Variants in SPATA6L observed in about 807,000 individuals in gnomAD.
SPATA6L encodes the protein spermatogenesis associated 6-like protein.
In SPATA6L, 68 loss-of-function variants were observed where a neutral mutation model predicts 49.2. That is an observed-to-expected ratio of 1.38 (90% CI 1.14 to 1.69). SPATA6L has a LOEUF of 1.69. Ranked by LOEUF, SPATA6L falls within the 40% of genes most tolerant of loss-of-function variation. The pLI, the probability that SPATA6L is intolerant of heterozygous loss-of-function variation, is 0.00. For missense variants in SPATA6L, 668 were observed against 464.3 expected (o/e 1.44, Z -4.03); for synonymous variants, 198 against 165.7 (o/e 1.19, Z -1.50).
chr9:4,648,885 C>G (rs1178993226), intron 3 of SPATA6L, among the ~76,000 whole-genome samples: 1 of 152,030 alleles, frequency 6.6e-6, no homozygotes, highest in Non-Finnish European at 1.5e-5. Flanking sequence ...GTTTTTGCAT[C>G]CTCATAGCTT....
intron 3 of SPATA6L, among the ~76,000 whole-genome samples, chr9:4,651,383 G>A (rs898635577): frequency 1.3e-5 from 2 of 152,144 alleles, no homozygotes; most frequent in African/African-American, 4.8e-5. Context: ...ACAACCCAAA[G>A]ACAAGCCCAG....
At chr9:4,605,603 C>A (rs924721502) in intron 9 of SPATA6L, among the ~76,000 whole-genome samples, 163 bp from the exon 10 acceptor site, 1 of 152,062 alleles carries the variant, frequency 6.6e-6, no homozygotes, top group Admixed American at 6.5e-5. Context: ...TTAAACCTAC[C>A]CATAGGAAAA....
intron 4 of SPATA6L, among the ~76,000 whole-genome samples, chr9:4,631,095 T>G (rs376958374): frequency 2.6e-4 from 40 of 152,342 alleles, no homozygotes; most frequent in African/African-American, 9.4e-4. Flanking sequence ...TTGTTCACCT[T>G]ATATGACCTC....
chr9:4,614,083 T>G (rs1211252065), intron 9 of SPATA6L, among the ~76,000 whole-genome samples: 1 of 152,244 alleles, frequency 6.6e-6, no homozygotes. Context: ...CAGAGAATGA[T>G]GAGTCAACAG....
intron 3 of SPATA6L, among the ~76,000 whole-genome samples, chr9:4,650,853 T>C (rs962708534): frequency 1.3e-5 from 2 of 150,868 alleles, no homozygotes; most frequent in Non-Finnish European, 3.0e-5. Flanking sequence ...TGTGTGTGTG[T>C]GTGTGTGTGT....
chr9:4,638,790 CT>C (rs201206657), intron 3 of SPATA6L, among the ~76,000 whole-genome samples: 107 of 120,106 alleles, frequency 8.9e-4, no homozygotes, highest in South Asian at 9.2e-4. Context: ...CTTTTCTTTT[CT>C]TTTTTTTTTT....
chr9:4,656,441 A>AAAGG (rs376151295), intron 2 of SPATA6L, among the ~76,000 whole-genome samples: 2,269 of 113,676 alleles, frequency 0.02, 34 homozygotes, highest in Non-Finnish European at 0.025. Flanking sequence ...CCTGTGAAAG[A>AAAGG]AAGGAAGGAA....
chr9:4,606,638 A>T (rs1189357633), intron 9 of SPATA6L, among the ~76,000 whole-genome samples: 2 of 55,616 alleles, frequency 3.6e-5, no homozygotes, highest in Non-Finnish European at 7.8e-5. Context: ...CCAAAAACCC[A>T]TCTGTACATC....
intron 2 of SPATA6L, 114 bp from the exon 3 acceptor site, chr9:4,656,203 C>T: frequency 1.3e-6 from 1 of 782,792 alleles, no homozygotes. Context: ...CTTTGGGAGG[C>T]CGAGGTGGGT....
At chr9:4,635,441 C>T (rs750784206) in intron 3 of SPATA6L, 42 bp from the exon 4 acceptor site, 20 of 1,550,340 alleles carry the variant, frequency 1.3e-5, no homozygotes, top group Non-Finnish European at 1.7e-5. Context: ...TGTATTTACA[C>T]CTCCAGGCTT....
chr9:4,601,405 T>C (rs1166577419), intron 11 of SPATA6L, among the ~76,000 whole-genome samples: 1 of 152,012 alleles, frequency 6.6e-6, no homozygotes, highest in African/African-American at 2.4e-5. Context: ...TGTTTGGTTT[T>C]TGTGTGGTAA....
intron 2 of SPATA6L, among the ~76,000 whole-genome samples, chr9:4,656,554 C>T (rs1838274053): frequency 6.6e-6 from 1 of 152,086 alleles, no homozygotes; most frequent in South Asian, 2.1e-4. Context: ...ATGTAAAATC[C>T]AGTCACATAA....
intron 2 of SPATA6L, among the ~76,000 whole-genome samples, chr9:4,660,779 C>A (rs534641167): frequency 2.0e-5 from 3 of 152,224 alleles, no homozygotes; most frequent in African/African-American, 7.2e-5. Flanking sequence ...TTGGAACCAA[C>A]CCAAATGTCC....
intron 5 of SPATA6L, chr9:4,627,172 A>G (rs927279601): frequency 7.4e-5 from 11 of 147,888 alleles, no homozygotes; most frequent in African/African-American, 2.5e-4. Flanking sequence ...AAAAAAAACA[A>G]TAAAACTATT....
chr9:4,654,009 C>T (rs1234180473), intron 3 of SPATA6L, among the ~76,000 whole-genome samples: 1 of 152,064 alleles, frequency 6.6e-6, no homozygotes, highest in Non-Finnish European at 1.5e-5. Flanking sequence ...ACATTTCCCC[C>T]AAAGAAAATA....
At chr9:4,627,609 G>T in intron 5 of SPATA6L, 1 of 524,298 alleles carries the variant, frequency 1.9e-6, no homozygotes, top group Non-Finnish European at 3.0e-6. Context: ...TTCTAGAAAG[G>T]ATTTTAAGTG....
At position 4,662,194 on chromosome 9, in the gene SPATA6L, C is replaced by CT. The variant is rs146533950; in HGVS notation, c.40-159dup. 2 of 1,440,364 alleles carry CT rather than the reference C, an allele frequency of 1.4e-6. No homozygotes were observed. Among genetic ancestry groups the CT allele is most frequent in the African/African-American group, 2.9e-5 (2 of 69,904 alleles). The allele number at this position is 1,440,364 out of a possible 1,614,324, so 89.2% of individuals were successfully genotyped here. On this transcript the variant is annotated intron_variant, in intron 1 of 11. Transcript: ENST00000682582. This position sits in a 1 kb window ranked among gnomAD's most constrained non-coding sequence, Gnocchi z 4.9. ...CCTCCCAACGCCAACATCCTCCCCT[C>CT]TGCTCTCCTCACATTGGAAATTCCA... is the stretch of plus-strand genomic sequence containing the variant.
chr9:4,638,220 T>G (rs1160673608), intron 3 of SPATA6L, among the ~76,000 whole-genome samples: 1 of 152,086 alleles, frequency 6.6e-6, no homozygotes, highest in Non-Finnish European at 1.5e-5. Flanking sequence ...ATTATTATTA[T>G]TATTTTTTGA....
intron 11 of SPATA6L, among the ~76,000 whole-genome samples, chr9:4,603,739 T>C (rs1484937722): frequency 6.6e-6 from 1 of 152,066 alleles, no homozygotes; most frequent in African/African-American, 2.4e-5. Flanking sequence ...GAAGGAAAAA[T>C]GCTGTGTACT....
Sources: gnomAD v4.1 joint callset for allele counts (sites outside exome capture counted in the v4.1 genomes callset) on GRCh38, gnomAD v4.1.1 for gene constraint, Gnocchi (gnomAD v3.1) non-coding constraint, MANE v1.5 for transcripts, NCBI Gene and HGNC (gene_info 2026-07-23, HGNC 2026-07-21) for gene names.